Variants in CNTN4 observed in about 807,000 individuals in gnomAD.
CNTN4 encodes contactin-4.
A neutral mutation model predicts 122.5 loss-of-function variants in CNTN4; 77 were observed. That is an observed-to-expected ratio of 0.63 (90% CI 0.52 to 0.76). The LOEUF is 0.76. CNTN4 is among the 30% of genes least tolerant of loss of function. The pLI is 0.00. For synonymous variants in CNTN4, 512 were observed against 447.0 expected, an observed-to-expected ratio of 1.15 and a Z score of -1.83; for missense variants, 1,256 against 1,259.1, an observed-to-expected ratio of 1.00 and a Z score of 0.04.
intron 4 of CNTN4, among the ~76,000 whole-genome samples, chr3:2,728,936 T>G (rs1162337167): frequency 1.3e-5 from 2 of 152,220 alleles, no homozygotes; most frequent in East Asian, 3.9e-4. Flanking sequence ...GGTTCTTGGC[T>G]GTTATGGCAG....
At chr3:2,148,345 G>A (rs2035341051) in intron 2 of CNTN4, among the ~76,000 whole-genome samples, 1 of 151,732 alleles carries the variant, frequency 6.6e-6, no homozygotes, top group Non-Finnish European at 1.5e-5. Context: ...AGTAGCCTGG[G>A]CATTATAGGG....
chr3:3,054,973 T>C (rs1701653582), intron 24 of CNTN4, among the ~76,000 whole-genome samples: 2 of 152,200 alleles, frequency 1.3e-5, no homozygotes, highest in South Asian at 4.1e-4. Flanking sequence ...TTTCAAGACA[T>C]TGGTAAAAAG....
chr3:2,110,672 G>T (rs961384223), intron 2 of CNTN4: 1 of 152,158 alleles, frequency 6.6e-6, no homozygotes, highest in Admixed American at 6.5e-5. Context: ...AACATTCTTA[G>T]TAAGAGTAAA....
chr3:2,162,826 G>A (rs1161092041), intron 2 of CNTN4, among the ~76,000 whole-genome samples: 1 of 152,192 alleles, frequency 6.6e-6, no homozygotes, highest in African/African-American at 2.4e-5. Flanking sequence ...GCTGGGTGTG[G>A]TGGCTCAGGC....
chr3:2,595,203 T>C (rs2080710952), intron 4 of CNTN4, among the ~76,000 whole-genome samples: 1 of 152,216 alleles, frequency 6.6e-6, no homozygotes, highest in African/African-American at 2.4e-5. Context: ...GACTGAGTAT[T>C]TCTGATGCAT....
chr3:2,585,942 A>C (rs1286269867), intron 4 of CNTN4, among the ~76,000 whole-genome samples: 2 of 152,128 alleles, frequency 1.3e-5, no homozygotes, highest in African/African-American at 4.8e-5. Context: ...AACTAGAACC[A>C]TGTGACTTTT....
intron 17 of CNTN4, among the ~76,000 whole-genome samples, chr3:3,035,858 T>C (rs1699556548): frequency 6.6e-6 from 1 of 152,048 alleles, no homozygotes; most frequent in Admixed American, 6.6e-5. Context: ...TCCAGCCCCA[T>C]TTTTTTAGAT....
At chr3:2,294,359 G>A (rs955244139) in intron 2 of CNTN4, among the ~76,000 whole-genome samples, 10 of 149,910 alleles carry the variant, frequency 6.7e-5, no homozygotes, top group Non-Finnish European at 1.3e-4. Context: ...GGGTAGGTGC[G>A]GTGGCTCACG....
intron 2 of CNTN4, among the ~76,000 whole-genome samples, chr3:2,192,942 C>A (rs1386930435): frequency 6.6e-6 from 1 of 152,248 alleles, no homozygotes; most frequent in East Asian, 1.9e-4. Flanking sequence ...ATATAATAGA[C>A]TTCTAATACA....
chr3:2,157,687 C>T lies in CNTN4; in HGVS notation c.-145+57048C>T, dbSNP rs563458350. 2.6e-5 allele frequency among the ~76,000 whole-genome samples: 4 copies of T among 152,152 alleles called. 1 individual carries two copies. The South Asian group carries it at 8.3e-4, about 32-fold the overall frequency. On this transcript the variant is annotated intron_variant, in intron 2 of 24. Transcript: ENST00000418658. Reference sequence around the variant, plus strand: ...TGAGATGCCCTAAAACAATACTGGCCTAGAGGAGGTGTTCAATAAATGTAA... The same window carrying T: ...TGAGATGCCCTAAAACAATACTGGCTTAGAGGAGGTGTTCAATAAATGTAA...
intron 10 of CNTN4, among the ~76,000 whole-genome samples, chr3:2,892,457 A>G (rs2094054146): frequency 6.6e-6 from 1 of 152,244 alleles, no homozygotes; most frequent in Non-Finnish European, 1.5e-5. Context: ...TTACTGTCAC[A>G]TCAGGCATTT....
intron 13 of CNTN4, among the ~76,000 whole-genome samples, chr3:2,932,706 G>T (rs923133779): frequency 6.6e-6 from 1 of 152,062 alleles, no homozygotes; most frequent in Non-Finnish European, 1.5e-5. Flanking sequence ...CTTCCAAAAG[G>T]GGGTTTGAGG....
chr3:2,618,767 A>G (rs769364710), intron 4 of CNTN4, among the ~76,000 whole-genome samples: 1 of 152,188 alleles, frequency 6.6e-6, no homozygotes, highest in Non-Finnish European at 1.5e-5. Flanking sequence ...GAAACCTACA[A>G]TGTTTCATTC....
chr3:2,319,561 G>T (rs924986167), intron 2 of CNTN4, among the ~76,000 whole-genome samples: 2 of 150,994 alleles, frequency 1.3e-5, no homozygotes, highest in African/African-American at 4.9e-5. Flanking sequence ...TGAGGGTGAA[G>T]ACCTTTGTGA....
intron 8 of CNTN4, among the ~76,000 whole-genome samples, chr3:2,878,687 A>G (rs1293232848): frequency 6.6e-6 from 1 of 152,048 alleles, no homozygotes; most frequent in African/African-American, 2.4e-5. Context: ...AAAATGTTTT[A>G]TGTCAGTAGT....
intron 3 of CNTN4, among the ~76,000 whole-genome samples, chr3:2,529,540 T>G (rs926601425): frequency 1.8e-4 from 28 of 152,168 alleles, no homozygotes; most frequent in African/African-American, 6.8e-4. Context: ...TAATATGTAT[T>G]ATGATTTGTA....
chr3:2,235,224 C>G (rs1449127414), intron 2 of CNTN4, among the ~76,000 whole-genome samples: 2 of 151,968 alleles, frequency 1.3e-5, no homozygotes, highest in Non-Finnish European at 1.5e-5. Context: ...GTAATGATGC[C>G]AACATTATCA....
At chr3:2,535,350 C>T (rs546627772) in intron 3 of CNTN4, among the ~76,000 whole-genome samples, 1 of 152,270 alleles carries the variant, frequency 6.6e-6, no homozygotes, top group Admixed American at 6.5e-5. Flanking sequence ...GTATCTCTTA[C>T]TGATATCTGT....
At chr3:2,300,485 C>G (rs759308257) in intron 2 of CNTN4, among the ~76,000 whole-genome samples, 5 of 147,158 alleles carry the variant, frequency 3.4e-5, no homozygotes, top group Non-Finnish European at 7.5e-5. Context: ...AAATAGTTAA[C>G]AGTCTCATTT....
Sources: gnomAD v4.1 joint callset for allele counts (sites outside exome capture counted in the v4.1 genomes callset) on GRCh38, gnomAD v4.1.1 for gene constraint, MANE v1.5 for transcripts, NCBI Gene and HGNC (gene_info 2026-07-23, HGNC 2026-07-21) for gene names.